The following USP50 variants were observed in gnomAD, a reference collection of about 807,000 sequenced individuals.
USP50 encodes ubiquitin carboxyl-terminal hydrolase 50.
A neutral mutation model predicts 39.2 loss-of-function variants in USP50; 37 were observed. The observed-to-expected ratio is 0.94, with a 90% CI of 0.73 to 1.24. The LOEUF (loss-of-function observed/expected upper bound fraction) is 1.24. Among genes scored for constraint, USP50 ranks in the 50% most tolerant of loss-of-function variants. The pLI, the probability that USP50 is intolerant of heterozygous loss-of-function variation, is 0.00. For synonymous variants in USP50, 139 were observed against 144.5 expected (o/e 0.96, Z 0.27); for missense variants, 374 against 398.2 (o/e 0.94, Z 0.52).
intron 6 of USP50, among the ~76,000 whole-genome samples, chr15:50,523,257 C>T (rs1164483323): frequency 3.4e-5 from 5 of 144,978 alleles, no homozygotes; most frequent in African/African-American, 1.3e-4. Flanking sequence ...CAGCTCACTG[C>T]AGCCTCAACC....
In USP50 at chr15:50,543,698, G is replaced by A. The variant is rs758305433; in HGVS notation, c.344C>T (p.Ala115Val). ...AAATGCTGGGTAGAGGTTGCCAAGA[G>A]CTGACCAGAATATTTCTGGTGAGAC... ...DCVSPEIFWS[A>V]LGNLYPAFTK... The change falls in exon 3 of 7, where the codon GCT becomes GTT. Residue 115 changes from alanine (A) to valine (V), a missense_variant. Ala to Val is a moderately conservative substitution (Grantham distance 64, BLOSUM62 0). Transcript: ENST00000532404. The A allele has an allele frequency of 1.2e-6, 2 of 1,612,690 alleles. No homozygotes were observed. Among genetic ancestry groups the A allele is most frequent in the Admixed American group, 1.7e-5 (1 of 59,788 alleles).
At chr15:50,525,664 G>GTATATGTC (rs2052889403) in intron 6 of USP50, among the ~76,000 whole-genome samples, 1 of 44,888 alleles carries the variant, frequency 2.2e-5, no homozygotes, top group Non-Finnish European at 5.2e-5. Flanking sequence ...ATGTATATAT[G>GTATATGTC]TATATGTATA....
At chr15:50,539,861 C>T (rs118094070) in intron 4 of USP50, among the ~76,000 whole-genome samples, 502 of 152,314 alleles carry the variant, frequency 3.3e-3, no homozygotes, top group Non-Finnish European at 5.9e-3. Flanking sequence ...GACCCCATAT[C>T]CATAGGAGAG....
downstream of USP50, chr15:50,495,881 A>G (rs1171270205): frequency 6.2e-7 from 1 of 1,613,740 alleles, no homozygotes; most frequent in Non-Finnish European, 8.5e-7. Context: ...AGAAGAAAAT[A>G]ATGATCATCT....
chr15:50,519,272 G>A (rs2052828607), intron 6 of USP50, among the ~76,000 whole-genome samples: 1 of 152,046 alleles, frequency 6.6e-6, no homozygotes, highest in African/African-American at 2.4e-5. Flanking sequence ...GGGCAACAGA[G>A]CGAGACTCTG....
chr15:50,540,515 G>C (rs929650915), intron 4 of USP50, among the ~76,000 whole-genome samples: 8 of 152,022 alleles, frequency 5.3e-5, no homozygotes, highest in Non-Finnish European at 7.4e-5. Flanking sequence ...TTACAGTCAG[G>C]CTATTTCGTT....
At chr15:50,538,273 C>CAAAAAAAAAAAAAAAAAAAA (rs766139797) in intron 5 of USP50, among the ~76,000 whole-genome samples, 1 of 17,316 alleles carries the variant, frequency 5.8e-5, no homozygotes, top group African/African-American at 1.2e-4. Flanking sequence ...GAGACTGTCT[C>CAAAAAAAAAAAAAAAAAAAA]AAAAAAAAAA....
rs1193177252 is a variant in USP50 at position 50,544,654 on chromosome 15, A to T, written c.181T>A (p.Cys61Ser). The stretch of plus-strand genomic sequence containing the variant: ...ACCAGCGGCAAGATGCTGCAGAGAC[A>T]CTGTGAGATGGCATTCACGCAGCAT... ...NTCCVNAISQ[C>S]LCSILPLVEY... is the part of the protein sequence containing the mutation. Residue 61 changes from cysteine (C) to serine (S), a missense_variant, in exon 2 of 7, where the codon TGT becomes AGT. Coordinates refer to ENST00000532404, the MANE Select transcript of USP50 (RefSeq NM_203494.5). 1 of 1,613,814 alleles carries T rather than the reference A, an allele frequency of 6.2e-7. No homozygotes were observed. The highest frequency in any genetic ancestry group is 1.3e-5 in the African/African-American group (1 of 74,918).
chr15:50,544,062 T>C, intron 2 of USP50: 1 of 434,090 alleles, frequency 2.3e-6, no homozygotes, highest in South Asian at 2.4e-5. Flanking sequence ...GCTCAGTGGC[T>C]CACACCTGTA....
At chr15:50,544,005 C>T in intron 2 of USP50, 1 of 559,496 alleles carries the variant, frequency 1.8e-6, no homozygotes, top group African/African-American at 1.9e-5. Context: ...TTCACCCCAG[C>T]TTGGGTGACA....
At chr15:50,510,225 T>A (rs1042248720) in intron 6 of USP50, 1 of 152,212 alleles carries the variant, frequency 6.6e-6, no homozygotes, top group Non-Finnish European at 1.5e-5. Flanking sequence ...ATTGAATCCC[T>A]AATTTATACT....
At chr15:50,496,122 T>G (rs899034590), downstream of USP50, 2 of 1,491,470 alleles carry the variant, frequency 1.3e-6, no homozygotes, top group African/African-American at 1.4e-5. Context: ...ATTTATTGGA[T>G]AAAAATGCTG....
In USP50 at chr15:50,538,767, T is replaced by A. The variant is rs766739587; in HGVS notation, c.745A>T (p.Thr249Ser). 6.8e-6 allele frequency: 11 copies of A among 1,613,582 alleles called. No homozygotes were observed. The Admixed American group carries it at 1.5e-4, about 22-fold the overall frequency. ...HCSFCETKQE[T>S]AVRASISKAP... ...TTGGAAATACTGGCCCTCACAGCAG[T>A]TTCTTGCTTGGTTTCACAAAAGGAG... Residue 249 changes from threonine to serine, a missense_variant, in exon 5 of 7, where the codon ACT becomes TCT. Thr to Ser is a moderately conservative substitution (Grantham distance 58). Transcript: ENST00000532404.
rs1009479717 is a variant in USP50, at chr15:50,523,143, A to G, written c.936+6654T>C. ...ACTGAAATGAATTCCATAAAGTTGCAGGATACAAAATCAACATATAAAAAT... is the reference window on the plus strand; with the variant it reads ...ACTGAAATGAATTCCATAAAGTTGCGGGATACAAAATCAACATATAAAAAT... On this transcript the variant is annotated intron_variant, in intron 6 of 6. Coordinates refer to ENST00000532404, the MANE Select transcript of USP50 (RefSeq NM_203494.5). Among the ~76,000 whole-genome samples, 7 of 151,348 alleles carry G rather than the reference A, an allele frequency of 4.6e-5. No homozygotes were observed. In the Admixed American group the frequency reaches 4.6e-4, roughly 10 times the overall value.
chr15:50,496,481 A>T (rs1016697965), downstream of USP50, among the ~76,000 whole-genome samples: 1 of 12,836 alleles, frequency 7.8e-5, no homozygotes, highest in Non-Finnish European at 1.4e-4. Flanking sequence ...ACTCCGTCTT[A>T]AAAAAAAAAA....
At chr15:50,538,948 G>C (rs1227638370) in intron 4 of USP50, 97 bp from the exon 5 acceptor site, 2 of 1,323,692 alleles carry the variant, frequency 1.5e-6, no homozygotes, top group Non-Finnish European at 2.0e-6. Context: ...TGGAAATGTA[G>C]TTCTCAGTGC....
chr15:50,519,790 G>A (rs998806131), intron 6 of USP50, among the ~76,000 whole-genome samples: 1 of 151,994 alleles, frequency 6.6e-6, no homozygotes, highest in African/African-American at 2.4e-5. Context: ...AACAAATACT[G>A]GCAAGGATAC....
intron 3 of USP50, among the ~76,000 whole-genome samples, chr15:50,541,923 A>G (rs1207217141): frequency 6.6e-6 from 1 of 151,976 alleles, no homozygotes; most frequent in Non-Finnish European, 1.5e-5. Context: ...TTTTTAAAAG[A>G]GCAAATCTTG....
chr15:50,513,629 AG>A (rs1435686965), intron 6 of USP50: 1 of 152,152 alleles, frequency 6.6e-6, no homozygotes, highest in Non-Finnish European at 1.5e-5. Context: ...GGCAGGCCAC[AG>A]AATAGGAAAA....
Sources: allele counts gnomAD v4.1 joint callset (sites outside exome capture counted in the v4.1 genomes callset), GRCh38; gene constraint gnomAD v4.1.1; transcripts MANE v1.5; gene names NCBI Gene and HGNC (gene_info 2026-07-23, HGNC 2026-07-21).